CDH12: variants seen among roughly 807,000 people sequenced by gnomAD.
CDH12 encodes the protein cadherin-12.
In CDH12, 41 loss-of-function variants were observed where a neutral mutation model predicts 74.1. The observed-to-expected ratio is 0.55, with a 90% CI of 0.43 to 0.72. CDH12 has a LOEUF of 0.72. CDH12 is among the 30% of genes least tolerant of loss of function. The pLI is 0.00. For missense variants in CDH12, 945 were observed against 977.2 expected, an observed-to-expected ratio of 0.97 and a Z score of 0.44; for synonymous variants, 399 against 355.0, an observed-to-expected ratio of 1.12 and a Z score of -1.39.
chr5:22,188,610 A>C (rs866366995), intron 4 of CDH12, among the ~76,000 whole-genome samples: 15 of 151,952 alleles, frequency 9.9e-5, no homozygotes, highest in African/African-American at 3.6e-4. Context: ...ACCTACCTAC[A>C]CCATTTCTAC....
chr5:22,105,469 G>A (rs1744380825), intron 4 of CDH12, among the ~76,000 whole-genome samples: 1 of 150,982 alleles, frequency 6.6e-6, no homozygotes, highest in South Asian at 2.1e-4. Flanking sequence ...AGGCCAAGGA[G>A]GGAGGATCTC....
intron 1 of CDH12, among the ~76,000 whole-genome samples, chr5:22,769,108 T>C (rs931399751): frequency 1.3e-5 from 2 of 152,128 alleles, no homozygotes; most frequent in Non-Finnish European, 2.9e-5. Context: ...CTAAGAGGTG[T>C]CAACTTGATT....
At chr5:22,540,546 G>T (rs1738057325) in intron 1 of CDH12, among the ~76,000 whole-genome samples, 1 of 152,038 alleles carries the variant, frequency 6.6e-6, no homozygotes. Context: ...TTTATAAAAA[G>T]AAATCCATTT....
chr5:21,853,462 C>G (rs967924981), intron 7 of CDH12, among the ~76,000 whole-genome samples: 1 of 151,502 alleles, frequency 6.6e-6, no homozygotes, highest in African/African-American at 2.4e-5. Flanking sequence ...AGTCCTTTAA[C>G]TTTTTGATGA....
chr5:22,429,639 C>G (rs954270234), intron 2 of CDH12, among the ~76,000 whole-genome samples: 3 of 151,958 alleles, frequency 2.0e-5, no homozygotes, highest in African/African-American at 7.3e-5. Context: ...CTTAATAAAC[C>G]CTCCATAAAC....
At chr5:21,993,144 G>A (rs1459618877) in intron 5 of CDH12, among the ~76,000 whole-genome samples, 1 of 152,092 alleles carries the variant, frequency 6.6e-6, no homozygotes, top group East Asian at 1.9e-4. Flanking sequence ...AGATTGGCGG[G>A]GGGTGGAGGG....
At chr5:22,093,579 G>C (rs769442521) in intron 4 of CDH12, among the ~76,000 whole-genome samples, 36 of 152,296 alleles carry the variant, frequency 2.4e-4, no homozygotes, top group Admixed American at 5.2e-4. Flanking sequence ...AATAAAGACA[G>C]AGGGGAAATT....
At chr5:21,873,114 T>C (rs554355342) in intron 6 of CDH12, among the ~76,000 whole-genome samples, 1 of 152,304 alleles carries the variant, frequency 6.6e-6, no homozygotes, top group East Asian at 1.9e-4. Flanking sequence ...TTCAATTCTG[T>C]AATGATAATA....
intron 6 of CDH12, among the ~76,000 whole-genome samples, chr5:21,903,154 G>A (rs1447032377): frequency 6.6e-6 from 1 of 151,802 alleles, no homozygotes; most frequent in African/African-American, 2.4e-5. Flanking sequence ...AATGAGACTT[G>A]GAAGAAACAA....
At chr5:22,756,495 T>C (rs1745921922) in intron 1 of CDH12, among the ~76,000 whole-genome samples, 1 of 152,174 alleles carries the variant, frequency 6.6e-6, no homozygotes, top group African/African-American at 2.4e-5. Context: ...GTGAAGAATA[T>C]TAAAAAGAGA....
chr5:22,706,687 C>T (rs1028897231), intron 1 of CDH12, among the ~76,000 whole-genome samples: 3 of 151,996 alleles, frequency 2.0e-5, no homozygotes, highest in African/African-American at 7.2e-5. Context: ...TATATTACTA[C>T]TATAAATATT....
In CDH12 at chr5:21,760,654, C is replaced by A. The variant is rs766385358; in HGVS notation, c.1537G>T (p.Ala513Ser). 2.5e-6 allele frequency: 4 copies of A among 1,602,326 alleles called. No homozygotes were observed. The African/African-American group carries it at 4.0e-5, about 16-fold the overall frequency. The change falls in exon 13 of 15, where the codon GCA becomes TCA. Residue 513 changes from alanine (A) to serine (S), a missense_variant. Ala to Ser is a moderately conservative substitution (Grantham distance 99, BLOSUM62 1). Coordinates refer to ENST00000382254, the MANE Select transcript of CDH12 (RefSeq NM_004061.5). ...CCAGCAGGTGAAAGATCTCGGTCTG[C>A]AGCACTGACTATCTGAATTATCTGC... ...PGQIIQIVSA[A>S]DRDLSPAGQQ...
intron 1 of CDH12, among the ~76,000 whole-genome samples, chr5:22,700,581 G>A (rs565308904): frequency 7.9e-5 from 12 of 152,274 alleles, no homozygotes; most frequent in Middle Eastern, 3.4e-3. Flanking sequence ...AGCAGAAACC[G>A]TGATAAGAAA....
Position 22,121,656 on chromosome 5 carries a change from G to T in CDH12, c.-186-42794C>A, listed in dbSNP as rs542097569. Among the ~76,000 whole-genome samples, 6 of 152,254 alleles carry T rather than the reference G, an allele frequency of 3.9e-5. No homozygotes were observed. In the South Asian group the frequency reaches 8.3e-4, roughly 21 times the overall value. On this transcript the variant is annotated intron_variant, in intron 4 of 14. Coordinates refer to ENST00000382254, the MANE Select transcript of CDH12 (RefSeq NM_004061.5). ...TGTAAATACAGTATAAGCTGTATAT[G>T]AAGTCACTTAAACATTTGTGTATAC...
intron 1 of CDH12, among the ~76,000 whole-genome samples, chr5:22,814,167 A>G (rs901579765): frequency 2.0e-5 from 3 of 152,208 alleles, no homozygotes; most frequent in Non-Finnish European, 2.9e-5. Context: ...CTTGTCTTAC[A>G]TAATCTAGGT....
At chr5:22,523,418 A>C (rs2126689215) in intron 1 of CDH12, among the ~76,000 whole-genome samples, 1 of 152,282 alleles carries the variant, frequency 6.6e-6, no homozygotes, top group East Asian at 1.9e-4. Context: ...GTCCAGAACA[A>C]ACTCATGCAC....
chr5:22,498,180 C>A (rs541173623), intron 2 of CDH12, among the ~76,000 whole-genome samples: 94 of 152,240 alleles, frequency 6.2e-4, no homozygotes, highest in African/African-American at 2.1e-3. Context: ...TTGCAAACTA[C>A]CATTTCCCCT....
chr5:21,912,122 T>C (rs1753884467), intron 6 of CDH12, among the ~76,000 whole-genome samples: 1 of 152,286 alleles, frequency 6.6e-6, no homozygotes, highest in African/African-American at 2.4e-5. Context: ...AAAATTAGTT[T>C]CTAGATGTTC....
At chr5:22,172,647 T>A (rs1197483005) in intron 4 of CDH12, 1 of 151,874 alleles carries the variant, frequency 6.6e-6, no homozygotes, top group Admixed American at 6.6e-5. Context: ...TTTCGGAACA[T>A]AAGTCATAGT....
Sources: gnomAD v4.1 joint callset for allele counts (sites outside exome capture counted in the v4.1 genomes callset) on GRCh38, gnomAD v4.1.1 for gene constraint, MANE v1.5 for transcripts, NCBI Gene and HGNC (gene_info 2026-07-23, HGNC 2026-07-21) for gene names.